The following BMP7 variants were observed in gnomAD, a reference collection of about 807,000 sequenced individuals.
BMP7 encodes the protein osteogenic protein 1.
A neutral mutation model predicts 41.2 loss-of-function variants in BMP7; 12 were observed. The observed-to-expected ratio is 0.29, with a 90% CI of 0.19 to 0.47. BMP7 has a LOEUF of 0.47. BMP7 is among the 20% of genes least tolerant of loss of function. The probability of loss-of-function intolerance (pLI) is 0.99; values close to 1 mark genes in which losing one functional copy is unlikely to be tolerated. For synonymous variants in BMP7, 248 were observed against 250.0 expected (o/e 0.99, Z 0.07); for missense variants, 467 against 606.0 (o/e 0.77, Z 2.41).
At chr20:57,255,893 G>T (rs1291200231) in intron 1 of BMP7, among the ~76,000 whole-genome samples, 2 of 150,066 alleles carry the variant, frequency 1.3e-5, no homozygotes, top group Non-Finnish European at 3.0e-5. Flanking sequence ...TTGTGGACAA[G>T]ATTTCATGGC....
intron 1 of BMP7, among the ~76,000 whole-genome samples, chr20:57,250,553 A>G (rs1411065131): frequency 6.6e-6 from 1 of 150,972 alleles, no homozygotes; most frequent in Non-Finnish European, 1.5e-5. Flanking sequence ...AAAAAAAAAA[A>G]AAGGAGAAAT....
At position 57,202,492 on chromosome 20, in the gene BMP7, G is replaced by A. The variant is rs145527493; in HGVS notation, c.743C>T (p.Ser248Leu). 70 of 1,606,648 alleles carry A rather than the reference G, an allele frequency of 4.4e-5. 1 individual carries two copies. In the African/African-American group the frequency reaches 7.3e-4, roughly 17 times the overall value. ...GGACTCACCATCCAGCGTCTCCACC[G>A]AGAGCTGCAGGCCCAGGTTGTGCCG... Reference protein sequence around the residue: ...NPRHNLGLQLSVETLDGQSIN... With the variant: ...NPRHNLGLQLLVETLDGQSIN... Residue 248 changes from serine (S) to leucine (L), a missense_variant, in exon 3 of 7, where the codon TCG (serine) becomes TTG (leucine). Transcript: ENST00000395863.
intron 1 of BMP7, among the ~76,000 whole-genome samples, chr20:57,230,796 C>A (rs1234676305): frequency 2.0e-5 from 3 of 151,784 alleles, no homozygotes; most frequent in African/African-American, 7.3e-5. Context: ...CCTGCCTCAG[C>A]CTCCCAAGTG....
intron 4 of BMP7, among the ~76,000 whole-genome samples, chr20:57,179,291 A>G (rs556715953): frequency 6.6e-6 from 1 of 152,194 alleles, no homozygotes; most frequent in Non-Finnish European, 1.5e-5. Flanking sequence ...AAGCAACAGA[A>G]AGTGAGCAGG....
In BMP7 at chr20:57,169,614, T is replaced by G. The variant is rs2123052597; in HGVS notation, c.*1345A>C. ...TTTGCAGAGACTTCTGATCAGGGTCTGCAAATGAAGAGACAGCCACGGGTG... is the reference window on the plus strand; with the variant it reads ...TTTGCAGAGACTTCTGATCAGGGTCGGCAAATGAAGAGACAGCCACGGGTG... On this transcript the variant is annotated 3_prime_UTR_variant, in exon 7 of 7. Transcript: ENST00000395863. 1 of 152,372 alleles carries G rather than the reference T, an allele frequency of 6.6e-6. No individual in the cohort carries two copies. Among genetic ancestry groups the G allele is most frequent in the East Asian group, 1.9e-4 (1 of 5,186 alleles). 9.4% of individuals were successfully genotyped at this position (152,372 alleles called of 1,614,324 possible). A position where few individuals can be genotyped will look rare whatever the true frequency, so the allele number is the denominator to read the frequency against.
At chr20:57,189,224 A>G (rs1011064453) in intron 3 of BMP7, among the ~76,000 whole-genome samples, 4 of 152,198 alleles carry the variant, frequency 2.6e-5, no homozygotes, top group African/African-American at 9.7e-5. Flanking sequence ...CTTGGGGTAC[A>G]GGGGGCTCTG....
intron 1 of BMP7, among the ~76,000 whole-genome samples, chr20:57,260,588 T>C (rs545505954): frequency 6.6e-6 from 1 of 152,230 alleles, no homozygotes; most frequent in South Asian, 2.1e-4. Flanking sequence ...CGCATTTGAT[T>C]TAAACTAATT....
At chr20:57,193,126 A>G (rs1048744592) in intron 3 of BMP7, among the ~76,000 whole-genome samples, 1 of 152,136 alleles carries the variant, frequency 6.6e-6, no homozygotes, top group Non-Finnish European at 1.5e-5. Flanking sequence ...TTAAGTTACC[A>G]TACAGTAAAA....
At chr20:57,183,594 C>A in intron 4 of BMP7, 128 bp downstream of exon 4, 1 of 1,232,790 alleles carries the variant, frequency 8.1e-7, no homozygotes, top group African/African-American at 1.5e-5. Context: ...GGTTTTCTTC[C>A]TGCTATATTT....
chr20:57,252,333 A>AGCAAGCAGGTCTCCCTGCT (rs2066117140), intron 1 of BMP7, among the ~76,000 whole-genome samples: 2 of 152,344 alleles, frequency 1.3e-5, no homozygotes, highest in South Asian at 4.1e-4. Flanking sequence ...TGGGGTCTGA[A>AGCAAGCAGGTCTCCCTGCT]GCAAGCAGGT....
chr20:57,240,701 G>A (rs1310253536), intron 1 of BMP7, among the ~76,000 whole-genome samples: 3 of 152,174 alleles, frequency 2.0e-5, no homozygotes, highest in Non-Finnish European at 4.4e-5. Flanking sequence ...GAGGTGAAAG[G>A]CACTTCTTAC....
At chr20:57,211,947 C>T (rs1372341709) in intron 2 of BMP7, among the ~76,000 whole-genome samples, 1 of 152,204 alleles carries the variant, frequency 6.6e-6, no homozygotes, top group Non-Finnish European at 1.5e-5. Context: ...TCACTGGGCT[C>T]AGCAGCTGGA....
intron 3 of BMP7, 104 bp downstream of exon 3, chr20:57,202,371 C>A (rs534921788): frequency 6.6e-4 from 964 of 1,468,084 alleles, no homozygotes; most frequent in Non-Finnish European, 8.6e-4. Context: ...TTGGGAGGGG[C>A]GGGGAAGCCT....
At chr20:57,264,955 CG>C (rs1307012935) in intron 1 of BMP7, among the ~76,000 whole-genome samples, 3 of 141,220 alleles carry the variant, frequency 2.1e-5, no homozygotes, top group Non-Finnish European at 4.5e-5. Flanking sequence ...CGCTTGAACC[CG>C]GGAGGCAGAG....
chr20:57,223,516 C>T (rs534940692), intron 2 of BMP7, among the ~76,000 whole-genome samples: 2 of 152,180 alleles, frequency 1.3e-5, no homozygotes, highest in Admixed American at 6.5e-5. Flanking sequence ...CACTGAGGCA[C>T]GGCCATGGCT....
rs2066155807 is a variant in BMP7 at position 57,261,926 on chromosome 20, G to A, written c.418+3779C>T. Among the ~76,000 whole-genome samples, 1 of 152,218 alleles carries A rather than the reference G, an allele frequency of 6.6e-6. No individual in the cohort carries two copies. The highest frequency in any genetic ancestry group is 2.4e-5 in the African/African-American group (1 of 41,450). ...TTGTCAACAAAAAGGACAGCCAGAT[G>A]GCATAAAGCAAAAATCAAACTGCAC... On this transcript the variant is annotated intron_variant, in intron 1 of 6. Coordinates refer to ENST00000395863, the MANE Select transcript of BMP7 (RefSeq NM_001719.3). The surrounding 1 kb of genome is among the most constrained non-coding windows in gnomAD (Gnocchi z 4.1).
chr20:57,205,488 G>A (rs7270912), intron 2 of BMP7, among the ~76,000 whole-genome samples: 6 of 152,252 alleles, frequency 3.9e-5, no homozygotes, highest in African/African-American at 1.2e-4. Context: ...AACCATTAGC[G>A]ATTCTCAACA....
At chr20:57,245,202 A>G (rs1408566708) in intron 1 of BMP7, among the ~76,000 whole-genome samples, 1 of 152,226 alleles carries the variant, frequency 6.6e-6, no homozygotes, top group East Asian at 1.9e-4. Context: ...ACTCATTTCA[A>G]GTTCACATTG....
At chr20:57,265,184 A>G (rs550340741) in intron 1 of BMP7, among the ~76,000 whole-genome samples, 119 of 152,358 alleles carry the variant, frequency 7.8e-4, no homozygotes, top group Middle Eastern at 3.4e-3. Context: ...AGGGGCCCCA[A>G]GGCGCTCGGA....
Sources: allele counts gnomAD v4.1 joint callset (sites outside exome capture counted in the v4.1 genomes callset), GRCh38; gene constraint gnomAD v4.1.1; non-coding constraint Gnocchi (gnomAD v3.1); transcripts MANE v1.5; gene names NCBI Gene and HGNC (gene_info 2026-07-23, HGNC 2026-07-21).